The following SNTB2 variants were observed in gnomAD, a reference collection of about 807,000 sequenced individuals.
The protein encoded by SNTB2 is syntrophin beta 2, also known as beta-2-syntrophin.
A neutral mutation model predicts 46.2 loss-of-function variants in SNTB2; 34 were observed. The observed-to-expected ratio is 0.74, with a 90% CI of 0.56 to 0.98. The LOEUF is 0.98. SNTB2 is among the 50% of genes least tolerant of loss of function. SNTB2 has a pLI of 0.00. For synonymous variants in SNTB2, 290 were observed against 312.6 expected (o/e 0.93, Z 0.76); for missense variants, 603 against 731.4 (o/e 0.82, Z 2.02).
At chr16:69,200,232 G>A (rs1300735606) in intron 1 of SNTB2, among the ~76,000 whole-genome samples, 2 of 152,202 alleles carry the variant, frequency 1.3e-5, no homozygotes, top group African/African-American at 4.8e-5. Flanking sequence ...TTGTTGTCAA[G>A]CACATTTGCT....
intron 1 of SNTB2, among the ~76,000 whole-genome samples, chr16:69,210,289 G>A (rs1408065150): frequency 6.6e-6 from 1 of 152,046 alleles, no homozygotes; most frequent in Non-Finnish European, 1.5e-5. Flanking sequence ...CCAGGCTGGA[G>A]TGCAGTGGCG....
intron 1 of SNTB2, among the ~76,000 whole-genome samples, chr16:69,220,580 T>C (rs115434753): frequency 0.023 from 3,483 of 151,470 alleles, 135 homozygotes; most frequent in African/African-American, 0.08. Flanking sequence ...CAAGCTGGAG[T>C]GCGGTGGCAC....
rs1965276134 is a variant in SNTB2 at position 69,301,294 on chromosome 16, C to T, written c.*370C>T. Reference sequence around the variant, plus strand: ...CCAAGCATTGTTTTCTTTTTCTTCTCCCTGTAGGATTTGTGTTGTGCTTAG... The same window carrying T: ...CCAAGCATTGTTTTCTTTTTCTTCTTCCTGTAGGATTTGTGTTGTGCTTAG... On this transcript the variant is annotated 3_prime_UTR_variant, in exon 7 of 7. Transcript: ENST00000336278. 2 of 198,142 alleles carry T rather than the reference C, an allele frequency of 1.0e-5. No homozygotes were observed. The highest frequency in any genetic ancestry group is 1.1e-5 in the Non-Finnish European group (1 of 93,898). 12.3% of individuals were successfully genotyped at this position (198,142 alleles called of 1,614,324 possible).
At chr16:69,285,448 A>G (rs1418088597) in intron 5 of SNTB2, among the ~76,000 whole-genome samples, 1 of 122,814 alleles carries the variant, frequency 8.1e-6, no homozygotes, top group Non-Finnish European at 1.7e-5. Flanking sequence ...AGCAGCTTTG[A>G]GCTTCTATTT....
chr16:69,187,835 GC>G (rs1319473244), intron 1 of SNTB2, 89 bp downstream of exon 1: 9 of 1,078,790 alleles, frequency 8.3e-6, no homozygotes, highest in Non-Finnish European at 1.1e-5. Context: ...GGCGGGGCGA[GC>G]CGGTTCTCTC....
chr16:69,223,502 G>A (rs1290774997), intron 1 of SNTB2, among the ~76,000 whole-genome samples: 3 of 151,584 alleles, frequency 2.0e-5, no homozygotes, highest in Non-Finnish European at 2.9e-5. Flanking sequence ...GCCAACATTA[G>A]TATGATATTA....
In SNTB2 at chr16:69,308,418, C is replaced by T. The variant is rs890351483; in HGVS notation, c.*7494C>T. The T allele has an allele frequency of 1.3e-5, 2 of 152,346 alleles. No individual in the cohort carries two copies. Among genetic ancestry groups the T allele is most frequent in the Non-Finnish European group, 2.9e-5 (2 of 68,024 alleles). 9.4% of individuals were successfully genotyped at this position (152,346 alleles called of 1,614,324 possible). A position where few individuals can be genotyped will look rare whatever the true frequency, so the allele number is the denominator to read the frequency against. On this transcript the variant is annotated 3_prime_UTR_variant, in exon 7 of 7. Transcript: ENST00000336278. ...CACTTTGTCGCAAATCTGCCCTTAT[C>T]GTAAGAACAAGTTTCAGAATTTTCC...
intron 5 of SNTB2, among the ~76,000 whole-genome samples, chr16:69,284,571 C>T (rs548835641): frequency 5.3e-5 from 8 of 150,380 alleles, no homozygotes; most frequent in East Asian, 2.0e-4. Context: ...CTCAGGAGTT[C>T]GCAACCAGCC....
At chr16:69,254,116 G>A (rs891146027) in intron 2 of SNTB2, among the ~76,000 whole-genome samples, 10 of 152,102 alleles carry the variant, frequency 6.6e-5, no homozygotes, top group African/African-American at 2.4e-4. Context: ...TAGTCAGCCT[G>A]ATATACGATC....
At chr16:69,205,297 G>A (rs1036019852) in intron 1 of SNTB2, among the ~76,000 whole-genome samples, 13 of 149,662 alleles carry the variant, frequency 8.7e-5, no homozygotes, top group African/African-American at 2.2e-4. Flanking sequence ...CTACAGGCAC[G>A]CGCCACCACG....
intron 1 of SNTB2, chr16:69,235,834 G>C (rs1179178810): frequency 7.8e-7 from 1 of 1,289,282 alleles, no homozygotes; most frequent in Admixed American, 2.3e-5. Flanking sequence ...TGGAATTGTG[G>C]TGAGTTTGAA....
At chr16:69,284,823 T>TGTAGTCCCAGCTACTC in intron 5 of SNTB2, among the ~76,000 whole-genome samples, 1 of 151,922 alleles carries the variant, frequency 6.6e-6, no homozygotes, top group Non-Finnish European at 1.5e-5. Flanking sequence ...GGTGTGCATC[T>TGTAGTCCCAGCTACTC]GTAGTCCCAG....
chr16:69,192,040 T>G (rs944177433), intron 1 of SNTB2, among the ~76,000 whole-genome samples: 6 of 151,826 alleles, frequency 4.0e-5, no homozygotes, highest in Non-Finnish European at 7.4e-5. Context: ...ATAGAAGAGG[T>G]GGGAAACTGA....
chr16:69,221,024 T>C (rs1383034878), intron 1 of SNTB2, among the ~76,000 whole-genome samples: 2 of 152,216 alleles, frequency 1.3e-5, no homozygotes, highest in Admixed American at 1.3e-4. Context: ...CAGATTGTCA[T>C]ATATGTGGAC....
rs116640160 is a variant in SNTB2 at position 69,200,558 on chromosome 16, G to A, written c.580+12812G>A. 7.6e-3 allele frequency among the ~76,000 whole-genome samples: 1,156 copies of A among 152,320 alleles called. 15 individuals carry two copies. The highest frequency in any genetic ancestry group is 0.025 in the African/African-American group (1,038 of 41,566). The stretch of plus-strand genomic sequence containing the variant: ...CTAGAGCAGGAGGAAGATAAATGGC[G>A]TCAAGGAGAGGTTCATGGGGGTTTT... On this transcript the variant is annotated intron_variant, in intron 1 of 6. Transcript: ENST00000336278.
chr16:69,213,787 C>G (rs900821967), intron 1 of SNTB2, among the ~76,000 whole-genome samples: 2 of 149,756 alleles, frequency 1.3e-5, no homozygotes, highest in African/African-American at 4.9e-5. Flanking sequence ...TGTGAGCCAC[C>G]GTGCCCAGCT....
At chr16:69,278,063 T>G (rs1964998888) in intron 4 of SNTB2, among the ~76,000 whole-genome samples, 1 of 152,190 alleles carries the variant, frequency 6.6e-6, no homozygotes, top group African/African-American at 2.4e-5. Context: ...GCGCCTATTG[T>G]CCCAACTACT....
Position 69,280,113 on chromosome 16 carries a change from A to G in SNTB2, c.1149-3935A>G, listed in dbSNP as rs1193452522. ...ATCTGTTTAACAAAGTACATCTTGC[A>G]CCACCCTTAATCCGTTTAACCCTGA... On this transcript the variant is annotated intron_variant, in intron 4 of 6. Transcript: ENST00000336278. Among the ~76,000 whole-genome samples the G allele has an allele frequency of 5.9e-5, 9 of 152,264 alleles. No homozygotes were observed. In the East Asian group the frequency reaches 1.5e-3, roughly 26 times the overall value.
At chr16:69,263,718 G>C (rs1289274266) in intron 3 of SNTB2, among the ~76,000 whole-genome samples, 3 of 151,798 alleles carry the variant, frequency 2.0e-5, no homozygotes, top group Non-Finnish European at 4.4e-5. Context: ...GCACCCTGCT[G>C]GTTATATTTT....
Sources: allele counts gnomAD v4.1 joint callset (sites outside exome capture counted in the v4.1 genomes callset), GRCh38; gene constraint gnomAD v4.1.1; transcripts MANE v1.5; gene names NCBI Gene and HGNC (gene_info 2026-07-23, HGNC 2026-07-21).